Variants in NPAS2 observed in about 807,000 individuals in gnomAD.
The protein encoded by NPAS2 is neuronal PAS domain-containing protein 2.
Under a neutral mutation model 107.5 loss-of-function variants are expected in NPAS2, and 23 were observed. The observed-to-expected ratio is 0.21, with a 90% CI of 0.15 to 0.30. The LOEUF (loss-of-function observed/expected upper bound fraction) is 0.30, where lower values mean the gene tolerates loss of function less well. Among genes scored for constraint, NPAS2 ranks in the 10% least tolerant of loss-of-function variants. The pLI, the probability that NPAS2 is intolerant of heterozygous loss-of-function variation, is 1.00. For synonymous variants in NPAS2, 403 were observed against 417.5 expected (o/e 0.97, Z 0.42); for missense variants, 756 against 1,043.3 (o/e 0.72, Z 3.79).
chr2:100,909,619 G>T (rs542102391), intron 2 of NPAS2, among the ~76,000 whole-genome samples: 2 of 152,130 alleles, frequency 1.3e-5, no homozygotes, highest in Non-Finnish European at 2.9e-5. Flanking sequence ...GGAGCCTGTC[G>T]TGCTAATTTT....
At chr2:100,904,853 T>G (rs1558859106) in intron 2 of NPAS2, 67 bp downstream of exon 2, 9 of 1,184,004 alleles carry the variant, frequency 7.6e-6, no homozygotes, top group Non-Finnish European at 8.7e-6. Flanking sequence ...TGGCAGAATC[T>G]CGCTGGCTTT....
intron 1 of NPAS2, among the ~76,000 whole-genome samples, chr2:100,900,742 A>G (rs1393909651): frequency 2.0e-5 from 3 of 152,166 alleles, no homozygotes; most frequent in Non-Finnish European, 4.4e-5. Flanking sequence ...AAACTCTGCA[A>G]ATATCCTGTT....
intron 7 of NPAS2, among the ~76,000 whole-genome samples, chr2:100,954,620 G>GT (rs2105086420): frequency 7.1e-6 from 1 of 141,638 alleles, no homozygotes; most frequent in South Asian, 2.2e-4. Context: ...AGTGGAGATT[G>GT]TGCCACTGCA....
intron 8 of NPAS2, among the ~76,000 whole-genome samples, chr2:100,964,484 G>A (rs1490836446): frequency 3.3e-5 from 5 of 152,206 alleles, no homozygotes; most frequent in Admixed American, 6.5e-5. Flanking sequence ...GGTGAGAACC[G>A]AGTGTTGGAG....
intron 1 of NPAS2, among the ~76,000 whole-genome samples, chr2:100,899,576 A>T (rs1681643990): frequency 6.6e-6 from 1 of 152,170 alleles, no homozygotes; most frequent in Admixed American, 6.5e-5. Context: ...CACCATACTA[A>T]TGTAAAATGT....
At chr2:100,967,269 C>G (rs536792659) in intron 10 of NPAS2, among the ~76,000 whole-genome samples, 1 of 105,062 alleles carries the variant, frequency 9.5e-6, no homozygotes, top group Non-Finnish European at 1.8e-5. Flanking sequence ...TTTTTTGAGA[C>G]AGAGTCTCAC....
chr2:100,835,244 A>T (rs1383320997), intron 1 of NPAS2, among the ~76,000 whole-genome samples: 1 of 152,224 alleles, frequency 6.6e-6, no homozygotes, highest in Non-Finnish European at 1.5e-5. Context: ...TCAGAACAGG[A>T]ACTTGAATTT....
At chr2:100,993,322 G>A (rs1553468305) in intron 19 of NPAS2, 25 bp from the exon 20 acceptor site, 7 of 1,537,270 alleles carry the variant, frequency 4.6e-6, no homozygotes, top group Non-Finnish European at 6.2e-6. Flanking sequence ...TAAAGGACCT[G>A]TTTTCTCCTT....
intron 1 of NPAS2, among the ~76,000 whole-genome samples, chr2:100,826,603 C>T (rs999833224): frequency 2.6e-5 from 4 of 152,126 alleles, no homozygotes; most frequent in African/African-American, 9.7e-5. Context: ...CGTTATTTAA[C>T]CCATCCCTAT....
intron 7 of NPAS2, among the ~76,000 whole-genome samples, chr2:100,956,508 T>C (rs1000096204): frequency 1.3e-5 from 2 of 152,234 alleles, no homozygotes; most frequent in Admixed American, 6.5e-5. Flanking sequence ...GATAATGGCC[T>C]CTAGCTGTAT....
intron 1 of NPAS2, among the ~76,000 whole-genome samples, chr2:100,880,544 G>C (rs1300200859): frequency 1.3e-5 from 2 of 152,204 alleles, no homozygotes; most frequent in African/African-American, 4.8e-5. Flanking sequence ...AGGTTGTATA[G>C]TCCCTCTCTG....
intron 1 of NPAS2, among the ~76,000 whole-genome samples, chr2:100,828,336 G>C (rs1020290726): frequency 6.6e-6 from 1 of 151,962 alleles, no homozygotes; most frequent in Non-Finnish European, 1.5e-5. Context: ...TTGTAAATAT[G>C]TTCTCCCATT....
intron 1 of NPAS2, chr2:100,878,709 CA>C: frequency 3.4e-6 from 2 of 580,152 alleles, no homozygotes; most frequent in Non-Finnish European, 2.2e-6. Context: ...CACTGATACC[CA>C]ACTATAAGGG....
chr2:100,979,503 T>TATATATATATATATA (rs1491089539), intron 15 of NPAS2, among the ~76,000 whole-genome samples: 7 of 39,582 alleles, frequency 1.8e-4, no homozygotes, highest in African/African-American at 8.7e-4. Flanking sequence ...TATATATATA[T>TATATATATATATATA]TTTTTTTTTT....
intron 1 of NPAS2, among the ~76,000 whole-genome samples, chr2:100,883,997 C>T (rs1303055425): frequency 6.6e-6 from 1 of 152,158 alleles, no homozygotes; most frequent in Admixed American, 6.5e-5. Context: ...AGAGGAGCAG[C>T]TCTTGCTTCC....
rs116485627 is a variant in NPAS2 at position 100,958,550 on chromosome 2, C to T, written c.599-5508C>T. On this transcript the variant is annotated intron_variant, in intron 7 of 20. Transcript: ENST00000335681. ...CAGGGGTCAGTGCTGCCAGAGAGAT[C>T]GCAGGGGAGTTAAAATCACTGTAAA... Among the ~76,000 whole-genome samples the T allele has an allele frequency of 3.1e-3, 474 of 152,204 alleles. 2 individuals are homozygous for T. Among genetic ancestry groups the T allele is most frequent in the African/African-American group, 0.011 (464 of 41,532 alleles).
chr2:100,845,445 C>T (rs1677715916), intron 1 of NPAS2, among the ~76,000 whole-genome samples: 1 of 152,196 alleles, frequency 6.6e-6, no homozygotes, highest in South Asian at 2.1e-4. Flanking sequence ...TTCAGTCTCT[C>T]AGTGCCAATG....
At chr2:100,830,279 A>G (rs1676650642) in intron 1 of NPAS2, among the ~76,000 whole-genome samples, 1 of 152,182 alleles carries the variant, frequency 6.6e-6, no homozygotes, top group African/African-American at 2.4e-5. Flanking sequence ...ATACAAATGC[A>G]AACATTTGTT....
rs764009314 is a variant in NPAS2 at position 100,988,078 on chromosome 2, G to A, written c.1630-1G>A. On this transcript the variant is annotated splice_acceptor_variant, in intron 16 of 20. Transcript: ENST00000335681. LOFTEE classifies it high-confidence loss of function. ...CACAGGCATTTCTATTCTGCTCCCA[G>A]ATGTTCCTGCAGCAGCCAGCTGTAT... 6.2e-7 allele frequency: 1 copy of A among 1,613,782 alleles called. No homozygotes were observed. The highest frequency in any genetic ancestry group is 8.5e-7 in the Non-Finnish European group (1 of 1,179,718).
Sources: gnomAD v4.1 joint callset for allele counts (sites outside exome capture counted in the v4.1 genomes callset) on GRCh38, gnomAD v4.1.1 for gene constraint, MANE v1.5 for transcripts, NCBI Gene and HGNC (gene_info 2026-07-23, HGNC 2026-07-21) for gene names.